Variants in SORBS2 observed in about 807,000 individuals in gnomAD.
SORBS2 encodes sorbin and SH3 domain containing 2.
Under a neutral mutation model 97.7 loss-of-function variants are expected in SORBS2, and 46 were observed. The observed-to-expected ratio is 0.47, with a 90% CI of 0.37 to 0.60. The LOEUF (loss-of-function observed/expected upper bound fraction) is 0.60. Ranked by LOEUF, SORBS2 falls within the 20% of genes least tolerant of loss-of-function variation. The pLI, the probability that SORBS2 is intolerant of heterozygous loss-of-function variation, is 0.00. For synonymous variants in SORBS2, 476 were observed against 473.4 expected (o/e 1.01, Z -0.07); for missense variants, 1,316 against 1,282.3 (o/e 1.03, Z -0.40).
chr4:185,838,072 C>T (rs774891832), intron 1 of SORBS2, among the ~76,000 whole-genome samples: 24 of 152,192 alleles, frequency 1.6e-4, no homozygotes, highest in Non-Finnish European at 3.4e-4. Context: ...ACACTAATTC[C>T]AACAGATGAT....
intron 11 of SORBS2, among the ~76,000 whole-genome samples, chr4:185,613,177 C>A (rs889849209): frequency 6.6e-6 from 1 of 152,182 alleles, no homozygotes; most frequent in Non-Finnish European, 1.5e-5. Flanking sequence ...GGCAGCGGCA[C>A]CTGATGGTGT....
chr4:185,646,697 T>C, exon 4 of SORBS2: 1 of 1,613,134 alleles, frequency 6.2e-7, no homozygotes, highest in Non-Finnish European at 8.5e-7. Flanking sequence ...ATTGATGACT[T>C]GCCAGGTTCA....
chr4:185,714,345 G>A lies in SORBS2; in HGVS notation c.-197-35523C>T, dbSNP rs1318413205. 2.0e-5 allele frequency among the ~76,000 whole-genome samples: 3 copies of A among 152,262 alleles called. No homozygotes were observed. The East Asian group carries it at 5.8e-4, about 29-fold the overall frequency. ...TCAGCCAGCCTCTGACCCTACACTT[G>A]GTCTATACCAGGTTTATATACTGAG... On this transcript the variant is annotated intron_variant, in intron 2 of 20. Coordinates refer to the SORBS2 transcript ENST00000284776.
At chr4:185,778,411 A>G (rs72703835) in intron 1 of SORBS2, among the ~76,000 whole-genome samples, 22,260 of 152,058 alleles carry the variant, frequency 0.15, 1,896 homozygotes, top group African/African-American at 0.2. Context: ...TAGTCCACGG[A>G]CCAACATTAA....
In SORBS2 at chr4:185,878,250, C is replaced by T. The variant is rs181748726; in HGVS notation, c.-338+77946G>A. On this transcript the variant is annotated intron_variant, in intron 1 of 20. Transcript: ENST00000284776. ...TTTGAATAGGTTTTCTCTATTTTGGCAATTAAGTAAGAGTGGAAACGTGAA... is the reference window on the plus strand; with the variant it reads ...TTTGAATAGGTTTTCTCTATTTTGGTAATTAAGTAAGAGTGGAAACGTGAA... Among the ~76,000 whole-genome samples, 954 of 152,110 alleles carry T rather than the reference C, an allele frequency of 6.3e-3. 5 individuals carry two copies. Among genetic ancestry groups the T allele is most frequent in the Admixed American group, 0.012 (185 of 15,284 alleles).
chr4:185,838,754 C>G (rs1439892850), intron 1 of SORBS2, among the ~76,000 whole-genome samples: 1 of 152,174 alleles, frequency 6.6e-6, no homozygotes, highest in Non-Finnish European at 1.5e-5. Context: ...GCCTCGGGCT[C>G]TCTGTCCTAG....
At chr4:185,696,425 G>C (rs1174913909) in intron 2 of SORBS2, among the ~76,000 whole-genome samples, 2 of 152,000 alleles carry the variant, frequency 1.3e-5, no homozygotes, top group African/African-American at 4.8e-5. Context: ...GCTTTAAATG[G>C]TCATGTGACT....
chr4:185,856,078 C>A (rs1402931860), intron 1 of SORBS2, among the ~76,000 whole-genome samples: 1 of 152,152 alleles, frequency 6.6e-6, no homozygotes, highest in Non-Finnish European at 1.5e-5. Context: ...GTATATGATT[C>A]AAACAAACAC....
At chr4:185,685,737 G>A (rs1253191092) in intron 2 of SORBS2, among the ~76,000 whole-genome samples, 2 of 152,110 alleles carry the variant, frequency 1.3e-5, no homozygotes, top group Admixed American at 6.5e-5. Flanking sequence ...TCCCCAGGCT[G>A]GTCTCAAACT....
intron 1 of SORBS2, among the ~76,000 whole-genome samples, chr4:185,953,239 G>A (rs576948600): frequency 1.4e-4 from 22 of 152,238 alleles, no homozygotes; most frequent in Non-Finnish European, 2.5e-4. Flanking sequence ...GCTTGAACCC[G>A]GGAGGTGGAG....
exon 12 of SORBS2, chr4:185,611,894 A>G: frequency 6.2e-7 from 1 of 1,614,070 alleles, no homozygotes; most frequent in Admixed American, 1.7e-5. Flanking sequence ...CATAGGAAAC[A>G]GGGAAGATGC....
At chr4:185,624,166 G>A (rs759413718) in exon 7 of SORBS2, 2 of 1,614,234 alleles carry the variant, frequency 1.2e-6, no homozygotes, top group Admixed American at 1.7e-5. Context: ...CCATGGGGCA[G>A]CTCTCCTTGG....
At chr4:185,848,748 G>T (rs2099216105) in intron 1 of SORBS2, among the ~76,000 whole-genome samples, 1 of 148,822 alleles carries the variant, frequency 6.7e-6, no homozygotes, top group African/African-American at 2.5e-5. Flanking sequence ...AAGTAGCTGG[G>T]ACTACAGGCA....
intron 1 of SORBS2, among the ~76,000 whole-genome samples, chr4:185,853,292 A>T (rs529388300): frequency 6.6e-6 from 1 of 152,218 alleles, no homozygotes; most frequent in South Asian, 2.1e-4. Flanking sequence ...CCACTTCTAC[A>T]ATGTTTTATA....
intron 1 of SORBS2, among the ~76,000 whole-genome samples, chr4:185,948,845 T>G (rs2099275841): frequency 6.6e-6 from 1 of 152,102 alleles, no homozygotes; most frequent in Non-Finnish European, 1.5e-5. Context: ...AAATTGTTAT[T>G]TTTTTCTTTT....
chr4:185,888,197 A>G (rs1439966330), intron 1 of SORBS2, among the ~76,000 whole-genome samples: 1 of 152,138 alleles, frequency 6.6e-6, no homozygotes, highest in Admixed American at 6.5e-5. Flanking sequence ...AGATACATCT[A>G]TATACAAATC....
intron 4 of SORBS2, among the ~76,000 whole-genome samples, chr4:185,670,582 C>T (rs1436920919): frequency 6.7e-6 from 1 of 150,302 alleles, no homozygotes; most frequent in Admixed American, 6.6e-5. Flanking sequence ...TAGTAATTTA[C>T]TTGAAAAGAA....
Position 185,638,860 on chromosome 4 carries a change from G to A in SORBS2, c.396+7808C>T. The A allele has an allele frequency of 6.9e-7, 1 of 1,445,020 alleles. No homozygotes were observed. Among genetic ancestry groups the A allele is most frequent in the Non-Finnish European group, 9.1e-7 (1 of 1,103,944 alleles). 89.5% of individuals were successfully genotyped at this position (1,445,020 alleles called of 1,614,324 possible). A position where few individuals can be genotyped will look rare whatever the true frequency, so the allele number is the denominator to read the frequency against. On this transcript the variant is annotated intron_variant, in intron 4 of 14. Transcript: ENST00000418609. ...CTCTGCCGGGCATGAAGAAAGGTAA[G>A]GAAGGAAGGAGCTCACCCGGGTGGG... is the stretch of plus-strand genomic sequence containing the variant.
rs541529368 is a variant in SORBS2 at position 185,606,177 on chromosome 4, C to T, written c.2796+5603G>A. The T allele has an allele frequency of 1.0e-6, 1 of 985,366 alleles. No individual in the cohort carries two copies. Among genetic ancestry groups the T allele is most frequent in the African/African-American group, 1.7e-5 (1 of 57,358 alleles). 61.0% of individuals were successfully genotyped at this position (985,366 alleles called of 1,614,324 possible). A position where few individuals can be genotyped will look rare whatever the true frequency, so the allele number is the denominator to read the frequency against. ...GGACAAATTTCTGGGCATCAACTTC[C>T]TCTTCTCTAAAGTGGGGATGATAAT... On this transcript the variant is annotated intron_variant, in intron 12 of 14. Transcript: ENST00000418609. The surrounding 1 kb of genome is among the most constrained non-coding windows in gnomAD (Gnocchi z 4.3).
Sources: gnomAD v4.1 joint callset for allele counts (sites outside exome capture counted in the v4.1 genomes callset) on GRCh38, gnomAD v4.1.1 for gene constraint, Gnocchi (gnomAD v3.1) non-coding constraint, MANE v1.5 for transcripts, NCBI Gene and HGNC (gene_info 2026-07-23, HGNC 2026-07-21) for gene names.